Variants in SHQ1 observed in about 807,000 individuals in gnomAD.
SHQ1 encodes the protein protein SHQ1 homolog.
A neutral mutation model predicts 53.8 loss-of-function variants in SHQ1; 49 were observed. The observed-to-expected ratio is 0.91, with a 90% CI of 0.72 to 1.16. The LOEUF (loss-of-function observed/expected upper bound fraction) is 1.16. Among genes scored for constraint, SHQ1 ranks in the 50% most tolerant of loss-of-function variants. SHQ1 has a pLI of 0.00. For missense variants in SHQ1, 738 were observed against 683.1 expected (o/e 1.08, Z -0.90); for synonymous variants, 243 against 251.0 (o/e 0.97, Z 0.30).
rs73839902 is a variant in SHQ1, at chr3:72,767,876, T to C, written c.1182-17040A>G. Among the ~76,000 whole-genome samples the C allele has an allele frequency of 5.5e-3, 832 of 152,328 alleles. 6 individuals are homozygous for C. The highest frequency in any genetic ancestry group is 0.019 in the African/African-American group (773 of 41,584). On this transcript the variant is annotated intron_variant, in intron 10 of 10. Coordinates refer to ENST00000325599, the MANE Select transcript of SHQ1 (RefSeq NM_018130.3). Reference sequence around the variant, plus strand: ...ATTTCATGTTCCTACAAGAACTGGATGCAAAAGCCTAATTATGGTTTGATT... The same window carrying C: ...ATTTCATGTTCCTACAAGAACTGGACGCAAAAGCCTAATTATGGTTTGATT...
At chr3:72,798,891 C>T (rs1392515602) in intron 9 of SHQ1, among the ~76,000 whole-genome samples, 1 of 152,192 alleles carries the variant, frequency 6.6e-6, no homozygotes, top group African/African-American at 2.4e-5. Flanking sequence ...TACATTACAG[C>T]TATGTGGCTG....
chr3:72,765,548 TA>T lies in SHQ1; in HGVS notation c.1182-14713del, dbSNP rs1419642537. Among the ~76,000 whole-genome samples, 320 of 99,508 alleles carry T rather than the reference TA, an allele frequency of 3.2e-3. 8 individuals are homozygous for T. The highest frequency in any genetic ancestry group is 0.016 in the African/African-American group (254 of 15,956). The allele number at this position is 99,508 out of a possible 152,430, so 65.3% of individuals were successfully genotyped here. A position where few individuals can be genotyped will look rare whatever the true frequency, so the allele number is the denominator to read the frequency against. On this transcript the variant is annotated intron_variant, in intron 10 of 10. Coordinates refer to ENST00000325599, the MANE Select transcript of SHQ1 (RefSeq NM_018130.3). ...CACATGACATATATATATATATATA[TA>T]TATATATATTTTTTTTTTTTTTTTG...
intron 6 of SHQ1, among the ~76,000 whole-genome samples, chr3:72,821,713 CAG>C (rs1229819179): frequency 6.6e-6 from 1 of 152,136 alleles, no homozygotes; most frequent in African/African-American, 2.4e-5. Flanking sequence ...GGAAGAAGGC[CAG>C]AGAGGCAAAG....
At chr3:72,832,113 G>A (rs571188478) in intron 5 of SHQ1, among the ~76,000 whole-genome samples, 18 of 152,198 alleles carry the variant, frequency 1.2e-4, no homozygotes, top group African/African-American at 2.4e-4. Context: ...TAAGCCTGGC[G>A]AGAAAAAAAC....
At chr3:72,820,731 C>T (rs1707451427) in intron 6 of SHQ1, among the ~76,000 whole-genome samples, 1 of 152,170 alleles carries the variant, frequency 6.6e-6, no homozygotes, top group Non-Finnish European at 1.5e-5. Context: ...ATATAGTTCA[C>T]AATGTTTTGG....
chr3:72,817,289 A>G lies in SHQ1; in HGVS notation c.823T>C (p.Leu275=). The change falls in exon 7 of 11, where the codon TTG becomes CTG. Residue 275 remains leucine, a synonymous_variant. Coordinates refer to ENST00000325599, the MANE Select transcript of SHQ1 (RefSeq NM_018130.3). ...KRACRQVCYS[L]IDILLAYCYE... is the part of the protein sequence containing the mutation. Reference sequence around the variant, plus strand: ...CAATATGCCAGAAGGATATCAATCAAACTGTAGCACACTTGACGACAGGCT... The same window carrying G: ...CAATATGCCAGAAGGATATCAATCAGACTGTAGCACACTTGACGACAGGCT... 6.2e-7 allele frequency: 1 copy of G among 1,613,810 alleles called. No individual in the cohort carries two copies. The highest frequency in any genetic ancestry group is 2.2e-5 in the East Asian group (1 of 44,888).
chr3:72,816,781 T>G (rs1707333925), intron 7 of SHQ1, among the ~76,000 whole-genome samples: 1 of 152,224 alleles, frequency 6.6e-6, no homozygotes, highest in East Asian at 1.9e-4. Flanking sequence ...TGAGGGACAC[T>G]TGCAGGTAAA....
chr3:72,788,325 G>A (rs373658060), intron 10 of SHQ1, among the ~76,000 whole-genome samples: 4 of 145,752 alleles, frequency 2.7e-5, no homozygotes, highest in African/African-American at 5.1e-5. Context: ...GCCCGGCTGC[G>A]ACCCCATCTG....
chr3:72,814,150 C>T (rs1707229681), intron 8 of SHQ1, among the ~76,000 whole-genome samples: 1 of 152,154 alleles, frequency 6.6e-6, no homozygotes, highest in East Asian at 1.9e-4. Context: ...TAGTATTTGA[C>T]ATAATTTAAA....
chr3:72,843,960 T>A (rs1559703040), intron 2 of SHQ1, among the ~76,000 whole-genome samples: 1 of 152,244 alleles, frequency 6.6e-6, no homozygotes, highest in Non-Finnish European at 1.5e-5. Flanking sequence ...CATGCATAGT[T>A]TCTCTCTCAC....
the SHQ1 span, among the ~76,000 whole-genome samples, chr3:72,734,335 C>T: frequency 6.6e-6 from 1 of 151,128 alleles, no homozygotes; most frequent in Non-Finnish European, 1.5e-5. Flanking sequence ...CGACTCACTA[C>T]AACCTCTGTC....
intron 7 of SHQ1, 75 bp from the exon 8 acceptor site, chr3:72,815,478 T>C: frequency 1.8e-6 from 2 of 1,133,772 alleles, no homozygotes; most frequent in South Asian, 2.5e-5. Context: ...CAAATCCATT[T>C]ATTCAACCAG....
rs554257820 is a variant in SHQ1 at position 72,834,537 on chromosome 3, A to C, written c.487-2056T>G. Among the ~76,000 whole-genome samples the C allele has an allele frequency of 2.6e-5, 4 of 152,316 alleles. No individual in the cohort carries two copies. In the South Asian group the frequency reaches 6.2e-4, roughly 24 times the overall value. On this transcript the variant is annotated intron_variant, in intron 4 of 10. Coordinates refer to ENST00000325599, the MANE Select transcript of SHQ1 (RefSeq NM_018130.3). The stretch of plus-strand genomic sequence containing the variant: ...AGAGCAAGACTCCATCTCAAAAAAA[A>C]AGAAGTCGTCGTCACTGGAACATCC...
intron 10 of SHQ1, among the ~76,000 whole-genome samples, chr3:72,765,557 A>ATTTTTTTTTTT (rs61074795): frequency 3.5e-5 from 2 of 57,192 alleles, no homozygotes; most frequent in African/African-American, 1.6e-4. Context: ...ATATATATAT[A>ATTTTTTTTTTT]TTTTTTTTTT....
At chr3:72,753,589 C>T in intron 10 of SHQ1, 1 of 985,284 alleles carries the variant, frequency 1.0e-6, no homozygotes, top group Admixed American at 6.1e-5. Flanking sequence ...GGGCAGTCAC[C>T]ATCGTTGATG....
chr3:72,829,632 T>A (rs935719808), intron 5 of SHQ1, among the ~76,000 whole-genome samples: 3 of 152,222 alleles, frequency 2.0e-5, no homozygotes, highest in African/African-American at 7.2e-5. Flanking sequence ...AATTACTATT[T>A]GTTGTCTTAA....
chr3:72,788,176 T>C (rs1252204934), intron 10 of SHQ1, among the ~76,000 whole-genome samples: 2 of 147,576 alleles, frequency 1.4e-5, no homozygotes, highest in Non-Finnish European at 3.0e-5. Flanking sequence ...TGGCCGCCCA[T>C]CGTCTGGGAT....
At chr3:72,812,360 A>G (rs1707151591) in intron 9 of SHQ1, among the ~76,000 whole-genome samples, 1 of 152,230 alleles carries the variant, frequency 6.6e-6, no homozygotes, top group East Asian at 1.9e-4. Context: ...CATAGAGCCT[A>G]GAAGATTATA....
chr3:72,761,880 TTATA>T (rs1160445298), intron 10 of SHQ1, among the ~76,000 whole-genome samples: 1 of 152,170 alleles, frequency 6.6e-6, no homozygotes, highest in Non-Finnish European at 1.5e-5. Flanking sequence ...TGGTTCACAA[TTATA>T]TAGAGAGTCA....
Sources: allele counts gnomAD v4.1 joint callset (sites outside exome capture counted in the v4.1 genomes callset), GRCh38; gene constraint gnomAD v4.1.1; transcripts MANE v1.5; gene names NCBI Gene and HGNC (gene_info 2026-07-23, HGNC 2026-07-21).